The following CSGALNACT1 variants were observed in gnomAD, a reference collection of about 807,000 sequenced individuals.
The protein encoded by CSGALNACT1 is chondroitin sulfate N-acetylgalactosaminyltransferase 1, also known as beta4GalNAcT-1.
CSGALNACT1 carries 52 observed loss-of-function variants against 51.0 expected under a neutral mutation model. The ratio of observed to expected loss-of-function variants is 1.02; its 90% CI spans 0.82 to 1.29. CSGALNACT1 has a LOEUF of 1.29. CSGALNACT1 is among the 50% of genes most tolerant of loss of function. CSGALNACT1 has a pLI of 0.00. For missense variants in CSGALNACT1, 935 were observed against 679.2 expected (o/e 1.38, Z -4.19); for synonymous variants, 341 against 254.4 (o/e 1.34, Z -3.24).
intron 3 of CSGALNACT1, among the ~76,000 whole-genome samples, chr8:19,535,923 C>T (rs776902441): frequency 7.9e-5 from 12 of 151,984 alleles, no homozygotes; most frequent in Non-Finnish European, 1.2e-4. Flanking sequence ...GGGAACAAAG[C>T]AAGGATGTTA....
At chr8:19,688,426 A>G (rs1379451535) in intron 1 of CSGALNACT1, among the ~76,000 whole-genome samples, 1 of 152,212 alleles carries the variant, frequency 6.6e-6, no homozygotes, top group Non-Finnish European at 1.5e-5. Context: ...GCAAGGGGTC[A>G]CGCAGGTGGT....
intron 1 of CSGALNACT1, among the ~76,000 whole-genome samples, chr8:19,717,390 G>A (rs1452204960): frequency 6.6e-6 from 1 of 152,138 alleles, no homozygotes; most frequent in Non-Finnish European, 1.5e-5. Flanking sequence ...GTGGAGTACA[G>A]ACACATAACA....
intron 3 of CSGALNACT1, among the ~76,000 whole-genome samples, chr8:19,590,607 G>A (rs2154132711): frequency 6.7e-6 from 1 of 149,094 alleles, no homozygotes; most frequent in Non-Finnish European, 1.5e-5. Flanking sequence ...AAGTCAATAG[G>A]ACATAAATAC....
chr8:19,668,125 A>G (rs73214697), intron 1 of CSGALNACT1, among the ~76,000 whole-genome samples: 1 of 152,344 alleles, frequency 6.6e-6, no homozygotes, highest in South Asian at 2.1e-4. Context: ...CATCTACACA[A>G]TGAAAAATAG....
chr8:19,640,735 T>C (rs1385415785), intron 1 of CSGALNACT1, among the ~76,000 whole-genome samples: 1 of 152,216 alleles, frequency 6.6e-6, no homozygotes, highest in African/African-American at 2.4e-5. Context: ...CTGACTCGCA[T>C]GCTATAAATT....
At chr8:19,436,722 C>T (rs1412966891) in intron 6 of CSGALNACT1, among the ~76,000 whole-genome samples, 1 of 151,986 alleles carries the variant, frequency 6.6e-6, no homozygotes, top group African/African-American at 2.4e-5. Flanking sequence ...GCCTGGGAAA[C>T]ATAGGGAGAC....
At chr8:19,578,479 G>GA (rs2044790392) in intron 3 of CSGALNACT1, among the ~76,000 whole-genome samples, 2 of 151,956 alleles carry the variant, frequency 1.3e-5, no homozygotes, top group Non-Finnish European at 2.9e-5. Flanking sequence ...GACTTTAAGT[G>GA]AAAAATATTA....
At chr8:19,728,986 G>T (rs533148594) in intron 1 of CSGALNACT1, among the ~76,000 whole-genome samples, 33 of 152,096 alleles carry the variant, frequency 2.2e-4, no homozygotes, top group Non-Finnish European at 4.3e-4. Flanking sequence ...AATTTTCAAA[G>T]GTTCCTACTG....
intron 3 of CSGALNACT1, among the ~76,000 whole-genome samples, chr8:19,537,736 A>G (rs922497460): frequency 6.6e-6 from 1 of 152,230 alleles, no homozygotes; most frequent in African/African-American, 2.4e-5. Context: ...CTCACACCTC[A>G]TACAAAAATT....
At position 19,405,914 on chromosome 8, in the gene CSGALNACT1, G is replaced by T. The variant is rs1475561108; in HGVS notation, c.1465C>A (p.Gln489Lys). The T allele has an allele frequency of 1.9e-6, 3 of 1,614,138 alleles. No homozygotes were observed. The highest frequency in any genetic ancestry group is 2.5e-6 in the Non-Finnish European group (3 of 1,180,016). The change falls in exon 10 of 10, where the codon CAG becomes AAG. Residue 489 changes from glutamine (Q) to lysine (K), a missense_variant. Gln to Lys is a moderately conservative substitution (Grantham distance 53). Coordinates refer to ENST00000454498, the Ensembl canonical transcript of CSGALNACT1. Reference sequence around the variant, plus strand: ...TTGGACTGCATGCACATCTTGTACTGCTCGGGGGTCAGCTCGTCCATGCAG... The same window carrying T: ...TTGGACTGCATGCACATCTTGTACTTCTCGGGGGTCAGCTCGTCCATGCAG...
chr8:19,738,066 T>C (rs1285296526), intron 1 of CSGALNACT1, among the ~76,000 whole-genome samples: 1 of 152,076 alleles, frequency 6.6e-6, no homozygotes, highest in East Asian at 1.9e-4. Context: ...TTTGCAACAA[T>C]AAAAAATGAA....
At chr8:19,627,353 G>A (rs1022232864) in intron 1 of CSGALNACT1, among the ~76,000 whole-genome samples, 2 of 152,216 alleles carry the variant, frequency 1.3e-5, no homozygotes, top group African/African-American at 2.4e-5. Context: ...ATGGATCCAC[G>A]GCTGCTGGAA....
intron 1 of CSGALNACT1, among the ~76,000 whole-genome samples, chr8:19,609,337 T>A (rs1237807875): frequency 1.4e-5 from 2 of 147,882 alleles, no homozygotes; most frequent in Admixed American, 1.4e-4. Flanking sequence ...AATTGCTGTA[T>A]ATTATTTGCT....
At chr8:19,422,501 T>C (rs2058104464) in intron 6 of CSGALNACT1, among the ~76,000 whole-genome samples, 2 of 152,362 alleles carry the variant, frequency 1.3e-5, no homozygotes, top group Middle Eastern at 3.4e-3. Flanking sequence ...ATTTTTCCTA[T>C]GATCCTGCAT....
At chr8:19,580,815 T>C (rs1157710948) in intron 3 of CSGALNACT1, among the ~76,000 whole-genome samples, 1 of 152,218 alleles carries the variant, frequency 6.6e-6, no homozygotes, top group Non-Finnish European at 1.5e-5. Context: ...TCTTACCAGA[T>C]ACCTAGCTTC....
At chr8:19,691,584 C>G (rs562330113) in intron 1 of CSGALNACT1, among the ~76,000 whole-genome samples, 87 of 152,284 alleles carry the variant, frequency 5.7e-4, no homozygotes, top group African/African-American at 2.1e-3. Flanking sequence ...CTCCACAGCC[C>G]TGACGATAAC....
At chr8:19,453,298 G>C (rs11993301) in intron 5 of CSGALNACT1, among the ~76,000 whole-genome samples, 20,598 of 152,190 alleles carry the variant, frequency 0.14, 1,681 homozygotes, top group Middle Eastern at 0.23. Context: ...CAGGCACACT[G>C]TGTGCTCGGA....
chr8:19,626,152 A>T (rs2054424816), intron 1 of CSGALNACT1, among the ~76,000 whole-genome samples: 1 of 152,230 alleles, frequency 6.6e-6, no homozygotes. Flanking sequence ...GAGGAATCAC[A>T]ATACCCAGTT....
At chr8:19,722,819 G>A (rs1353875514) in intron 1 of CSGALNACT1, among the ~76,000 whole-genome samples, 1 of 152,202 alleles carries the variant, frequency 6.6e-6, no homozygotes, top group Non-Finnish European at 1.5e-5. Flanking sequence ...TTGGGGACCA[G>A]TATATTCTCC....
Sources: gnomAD v4.1 joint callset for allele counts (sites outside exome capture counted in the v4.1 genomes callset) on GRCh38, gnomAD v4.1.1 for gene constraint, MANE v1.5 for transcripts, NCBI Gene and HGNC (gene_info 2026-07-23, HGNC 2026-07-21) for gene names.